The following COL18A1 variants were observed in gnomAD, a reference collection of about 807,000 sequenced individuals.
COL18A1 encodes the protein collagen alpha-1(XVIII) chain.
In COL18A1, 133 loss-of-function variants were observed where a neutral mutation model predicts 168.0. That is an observed-to-expected ratio of 0.79 (90% CI 0.69 to 0.91). The LOEUF is 0.91. Ranked by LOEUF, COL18A1 falls within the 40% of genes least tolerant of loss-of-function variation. The pLI, the probability that COL18A1 is intolerant of heterozygous loss-of-function variation, is 0.00. For synonymous variants in COL18A1, 949 were observed against 809.0 expected (o/e 1.17, Z -2.94); for missense variants, 2,126 against 1,925.4 (o/e 1.10, Z -1.95).
Position 45,475,545 on chromosome 21 carries a change from C to A in COL18A1, c.798+10C>A. The A allele has an allele frequency of 6.2e-7, 1 of 1,602,054 alleles. No homozygotes were observed. On this transcript the variant is annotated intron_variant, in intron 5 of 41. Coordinates refer to ENST00000651438, the MANE Select transcript of COL18A1 (RefSeq NM_001379500.1). ...TCTCAGGGAGGAGACGGTGAGTAGC[C>A]GGACGGGGCCCAGCCCACGCTGCAG...
Position 45,504,417 on chromosome 21 carries a change from GGGA to G in COL18A1, c.2731_2733del (p.Glu911del). 6.2e-7 allele frequency: 1 copy of G among 1,611,522 alleles called. No individual in the cohort carries two copies. On this transcript the variant is annotated inframe_deletion and splice_region_variant, in exon 34 of 42. Coordinates refer to ENST00000651438, the MANE Select transcript of COL18A1 (RefSeq NM_001379500.1). ...TGTAACAAGTGTTTCCGTCCACAGG[GGGA>G]GAAGGGAGACCGAGGTGATGCAGGA...
At chr21:45,454,105 A>G (rs1441316115) in intron 2 of COL18A1, among the ~76,000 whole-genome samples, 2 of 152,154 alleles carry the variant, frequency 1.3e-5, no homozygotes, top group African/African-American at 4.8e-5. Context: ...CTCTGAGACG[A>G]GTTTGAGCAG....
chr21:45,469,485 T>A (rs535016247), intron 3 of COL18A1, among the ~76,000 whole-genome samples: 1 of 151,918 alleles, frequency 6.6e-6, no homozygotes, highest in Admixed American at 6.6e-5. Flanking sequence ...GTGGTGGGAG[T>A]CCCCCAGCGG....
At position 45,488,401 on chromosome 21, in the gene COL18A1, C is replaced by T. The variant is rs768038756; in HGVS notation, c.1897-17C>T. On this transcript the variant is annotated splice_polypyrimidine_tract_variant and intron_variant, in intron 17 of 41. Transcript: ENST00000651438. ...GCCTCCAGCTGCACTAACACTGTGT[C>T]TCCTCTGCCCTGACAGGGACCTCCC... The T allele has an allele frequency of 6.2e-7, 1 of 1,613,820 alleles. No individual in the cohort carries two copies. Among genetic ancestry groups the T allele is most frequent in the South Asian group, 1.1e-5 (1 of 91,078 alleles).
intron 26 of COL18A1, 70 bp downstream of exon 26, chr21:45,493,645 G>A: frequency 8.5e-7 from 1 of 1,180,008 alleles, no homozygotes; most frequent in Non-Finnish European, 1.2e-6. Context: ...CCTGGGGAGG[G>A]TCTTCCTGAG....
At chr21:45,506,100 A>G (rs2037188756) in intron 37 of COL18A1, 134 bp downstream of exon 37, 1 of 1,377,412 alleles carries the variant, frequency 7.3e-7, no homozygotes, top group Non-Finnish European at 1.0e-6. Flanking sequence ...TAAACTTTCA[A>G]ACTTTTGGTA....
chr21:45,452,303 C>T (rs542351139), intron 2 of COL18A1, among the ~76,000 whole-genome samples: 3 of 152,156 alleles, frequency 2.0e-5, no homozygotes, highest in East Asian at 3.8e-4. Flanking sequence ...TGCCTGTGTG[C>T]GTGTGTGTGT....
chr21:45,412,237 C>T (rs3082476), intron 2 of COL18A1, among the ~76,000 whole-genome samples: 663 of 52,462 alleles, frequency 0.013, 47 homozygotes, highest in Middle Eastern at 0.059. Flanking sequence ...GGGTATATTT[C>T]TTTTTTTTTT....
At chr21:45,509,960 G>A (rs1429924112) in intron 39 of COL18A1, 104 bp from the exon 40 acceptor site, 20 of 1,338,434 alleles carry the variant, frequency 1.5e-5, no homozygotes, top group Admixed American at 1.1e-4. Flanking sequence ...AGCGCCCCTC[G>A]GCCGTGCCTG....
chr21:45,464,477 G>C (rs368694409), intron 2 of COL18A1, among the ~76,000 whole-genome samples: 5 of 152,320 alleles, frequency 3.3e-5, no homozygotes, highest in African/African-American at 9.6e-5. Context: ...CCATGGGTTT[G>C]TGCCAATTTG....
At chr21:45,469,957 C>T (rs1301251176) in intron 3 of COL18A1, among the ~76,000 whole-genome samples, 1 of 152,142 alleles carries the variant, frequency 6.6e-6, no homozygotes, top group Non-Finnish European at 1.5e-5. Flanking sequence ...AAGTCAGAGT[C>T]ACCCCCTCCA....
At chr21:45,506,379 A>T in intron 37 of COL18A1, 1 of 344,964 alleles carries the variant, frequency 2.9e-6, no homozygotes, top group Non-Finnish European at 5.7e-6. Context: ...GTGGCTCTGC[A>T]CCCCGCGTTA....
chr21:45,501,337 T>G (rs8131463), intron 32 of COL18A1, among the ~76,000 whole-genome samples: 87,243 of 151,912 alleles, frequency 0.57, 25,973 homozygotes, highest in African/African-American at 0.73. Context: ...GATCTGAACA[T>G]CAGGTCTGAC....
At chr21:45,484,942 A>G (rs972409505) in intron 15 of COL18A1, among the ~76,000 whole-genome samples, 11 of 152,238 alleles carry the variant, frequency 7.2e-5, no homozygotes, top group African/African-American at 2.7e-4. Context: ...CTAGAACCCT[A>G]CAACCTAATT....
chr21:45,482,854 T>C, intron 15 of COL18A1, 33 bp downstream of exon 15: 3 of 1,614,114 alleles, frequency 1.9e-6, no homozygotes, highest in Non-Finnish European at 2.5e-6. Flanking sequence ...ATCAGTCCCC[T>C]GCCCCTGGTG....
At chr21:45,500,248 GGA>G (rs2036709021) in intron 32 of COL18A1, among the ~76,000 whole-genome samples, 1 of 147,450 alleles carries the variant, frequency 6.8e-6, no homozygotes, top group Non-Finnish European at 1.5e-5. Flanking sequence ...GGGGGTGTGT[GGA>G]GTGTGCATAT....
At chr21:45,420,611 T>C (rs954737846) in intron 2 of COL18A1, 4 of 152,372 alleles carry the variant, frequency 2.6e-5, no homozygotes, top group African/African-American at 7.2e-5. Context: ...AAGGTCACGT[T>C]GTCTAGACAT....
chr21:45,436,209 T>C (rs1195923776), intron 2 of COL18A1, among the ~76,000 whole-genome samples: 2 of 152,168 alleles, frequency 1.3e-5, no homozygotes, highest in Non-Finnish European at 2.9e-5. Context: ...ATTCTAGCCC[T>C]TGATTTCCTT....
At chr21:45,437,962 C>T (rs1327415284) in intron 2 of COL18A1, among the ~76,000 whole-genome samples, 3 of 58,704 alleles carry the variant, frequency 5.1e-5, no homozygotes, top group Admixed American at 1.7e-4. Flanking sequence ...AGGCACTCTC[C>T]TGCACACACA....
Sources: allele counts gnomAD v4.1 joint callset (sites outside exome capture counted in the v4.1 genomes callset), GRCh38; gene constraint gnomAD v4.1.1; transcripts MANE v1.5; gene names NCBI Gene and HGNC (gene_info 2026-07-23, HGNC 2026-07-21).